Variants in CHRNA5 observed in about 807,000 individuals in gnomAD.
CHRNA5 encodes the protein cholinergic receptor nicotinic alpha 5 subunit, also known as neuronal acetylcholine receptor subunit alpha-5.
A neutral mutation model predicts 41.2 loss-of-function variants in CHRNA5; 28 were observed. The observed-to-expected ratio is 0.68, with a 90% CI of 0.50 to 0.93. The LOEUF (loss-of-function observed/expected upper bound fraction) is 0.93. CHRNA5 is among the 40% of genes least tolerant of loss of function. The pLI, the probability that CHRNA5 is intolerant of heterozygous loss-of-function variation, is 0.00. For synonymous variants in CHRNA5, 188 were observed against 205.8 expected, an observed-to-expected ratio of 0.91 and a Z score of 0.74; for missense variants, 481 against 581.9, an observed-to-expected ratio of 0.83 and a Z score of 1.78.
chr15:78,588,833 G>C lies in CHRNA5; in HGVS notation c.413+410G>C, dbSNP rs1567061745. ...ATTTTCCCACAATGAGGAATGCTGG[G>C]TTAATTATCAATTCATCTTTAGAGG... On this transcript the variant is annotated intron_variant, in intron 4 of 5. Coordinates refer to ENST00000299565, the Ensembl canonical transcript of CHRNA5. The surrounding 1 kb of genome is among the most constrained non-coding windows in gnomAD (Gnocchi z 4.1). Among the ~76,000 whole-genome samples, 1 of 151,500 alleles carries C rather than the reference G, an allele frequency of 6.6e-6. No homozygotes were observed. Among genetic ancestry groups the C allele is most frequent in the Non-Finnish European group, 1.5e-5 (1 of 67,936 alleles).
At chr15:78,576,582 G>A (rs1327380335) in intron 1 of CHRNA5, among the ~76,000 whole-genome samples, 2 of 152,084 alleles carry the variant, frequency 1.3e-5, no homozygotes, top group Non-Finnish European at 2.9e-5. Context: ...AAGAGTTCAA[G>A]ACCAGCCTGA....
At chr15:78,593,173 T>G in exon 6 of CHRNA5, 4 of 1,613,962 alleles carry the variant, frequency 2.5e-6, no homozygotes, top group Admixed American at 1.7e-5. Context: ...AATTGTTGGA[T>G]CTCTTGGGCT....
exon 2 of CHRNA5, chr15:78,580,900 G>A: frequency 6.2e-7 from 1 of 1,614,138 alleles, no homozygotes; most frequent in Non-Finnish European, 8.5e-7. Context: ...TCGTCCTGTG[G>A]AACACCTGAA....
chr15:78,588,681 C>T lies in CHRNA5; in HGVS notation c.413+258C>T, dbSNP rs954258446. 6.6e-6 allele frequency among the ~76,000 whole-genome samples: 1 copy of T among 152,106 alleles called. No homozygotes were observed. The highest frequency in any genetic ancestry group is 6.6e-5 in the Admixed American group (1 of 15,264). ...CCAAGGGGACTGATACCTCCATTTACTCTTTGTTTTACTAGACTACATATT... is the reference window on the plus strand; with the variant it reads ...CCAAGGGGACTGATACCTCCATTTATTCTTTGTTTTACTAGACTACATATT... On this transcript the variant is annotated intron_variant, in intron 4 of 5. Coordinates refer to ENST00000299565, the Ensembl canonical transcript of CHRNA5. The surrounding 1 kb of genome is among the most constrained non-coding windows in gnomAD (Gnocchi z 4.1).
intron 1 of CHRNA5, among the ~76,000 whole-genome samples, chr15:78,580,489 T>G (rs1423353173): frequency 1.1e-5 from 1 of 93,854 alleles, no homozygotes; most frequent in Non-Finnish European, 2.2e-5. Context: ...GCTCAGCATA[T>G]TCCAATAGTC....
intron 1 of CHRNA5, among the ~76,000 whole-genome samples, chr15:78,566,121 T>A (rs950352898): frequency 5.3e-5 from 8 of 152,112 alleles, no homozygotes; most frequent in African/African-American, 9.7e-5. Flanking sequence ...AAGATGCCAC[T>A]CTTGTCCAGC....
In CHRNA5 at chr15:78,590,556, TC is replaced by T; in HGVS notation, c.1166del (p.Ser389LeufsTer20). ...TGAGAGTGGTAGTGGACCAAAATCT[TC>T]TAGAAACACATTGGAAGCTGCGCTC... On this transcript the variant is annotated frameshift_variant, in exon 5 of 6. Coordinates refer to ENST00000299565, the Ensembl canonical transcript of CHRNA5. LOFTEE classifies it high-confidence loss of function. The T allele has an allele frequency of 1.2e-6, 2 of 1,614,200 alleles. No homozygotes were observed. The highest frequency in any genetic ancestry group is 1.7e-6 in the Non-Finnish European group (2 of 1,180,038).
exon 2 of CHRNA5, chr15:78,580,811 G>T: frequency 1.2e-6 from 2 of 1,610,052 alleles, no homozygotes; most frequent in Non-Finnish European, 8.5e-7. Context: ...TGTTATACAG[G>T]ATTATCTGAA....
intron 1 of CHRNA5, among the ~76,000 whole-genome samples, chr15:78,573,617 T>C (rs547096480): frequency 6.6e-6 from 1 of 152,324 alleles, no homozygotes; most frequent in East Asian, 1.9e-4. Context: ...TGGCAGAAAC[T>C]TTAAATTATA....
At chr15:78,593,588 A>C (rs1023503238) in exon 6 of CHRNA5, 1 of 168,610 alleles carries the variant, frequency 5.9e-6, no homozygotes, top group African/African-American at 2.4e-5. Context: ...TTCCAGTTGT[A>C]TTTGAAGACT....
intron 1 of CHRNA5, among the ~76,000 whole-genome samples, chr15:78,570,232 C>T (rs1020112738): frequency 2.0e-5 from 3 of 151,940 alleles, no homozygotes; most frequent in African/African-American, 7.2e-5. Context: ...TTTGAGGAAA[C>T]ATGATATTGT....
At chr15:78,579,854 C>T (rs1002956014) in intron 1 of CHRNA5, among the ~76,000 whole-genome samples, 5 of 152,164 alleles carry the variant, frequency 3.3e-5, no homozygotes, top group Non-Finnish European at 7.4e-5. Flanking sequence ...AGCATGCTAT[C>T]TGCTATCTTC....
intron 1 of CHRNA5, among the ~76,000 whole-genome samples, chr15:78,577,341 C>T (rs1297814748): frequency 6.6e-6 from 1 of 152,072 alleles, no homozygotes; most frequent in African/African-American, 2.4e-5. Flanking sequence ...CATTTACAGC[C>T]AGCTAAAAAA....
exon 6 of CHRNA5, chr15:78,593,261 C>G (rs768799141): frequency 6.2e-7 from 1 of 1,605,698 alleles, no homozygotes. Flanking sequence ...TGAAGCCTCC[C>G]AAGGGACTGA....
At chr15:78,576,596 A>G (rs2052859144) in intron 1 of CHRNA5, among the ~76,000 whole-genome samples, 1 of 151,210 alleles carries the variant, frequency 6.6e-6, no homozygotes, top group African/African-American at 2.4e-5. Context: ...AGCCTGAGCT[A>G]CAAAAAGAGA....
At chr15:78,585,381 C>T (rs1446498878) in intron 2 of CHRNA5, among the ~76,000 whole-genome samples, 2 of 152,150 alleles carry the variant, frequency 1.3e-5, no homozygotes, top group Non-Finnish European at 2.9e-5. Flanking sequence ...TCCTGGGTCA[C>T]TTACCTGTTG....
At chr15:78,570,232 C>G (rs1020112738) in intron 1 of CHRNA5, among the ~76,000 whole-genome samples, 1 of 151,940 alleles carries the variant, frequency 6.6e-6, no homozygotes, top group Non-Finnish European at 1.5e-5. Context: ...TTTGAGGAAA[C>G]ATGATATTGT....
chr15:78,580,905 C>A (rs760981472), exon 2 of CHRNA5: 1 of 1,614,072 alleles, frequency 6.2e-7, no homozygotes, highest in African/African-American at 1.3e-5. Flanking sequence ...CTGTGGAACA[C>A]CTGAATGACA....
chr15:78,589,669 C>T, intron 4 of CHRNA5, 136 bp from the exon 5 acceptor site: 2 of 683,142 alleles, frequency 2.9e-6, no homozygotes, highest in Non-Finnish European at 4.8e-6. Flanking sequence ...GCACGTATAT[C>T]TTATCTGAAG....
Sources: gnomAD v4.1 joint callset for allele counts (sites outside exome capture counted in the v4.1 genomes callset) on GRCh38, gnomAD v4.1.1 for gene constraint, Gnocchi (gnomAD v3.1) non-coding constraint, MANE v1.5 for transcripts, NCBI Gene and HGNC (gene_info 2026-07-23, HGNC 2026-07-21) for gene names.